The following TMEM132D variants were observed in gnomAD, a reference collection of about 807,000 sequenced individuals.
The protein encoded by TMEM132D is mature OL transmembrane protein.
In TMEM132D, 21 loss-of-function variants were observed where a neutral mutation model predicts 62.3. The observed-to-expected ratio is 0.34, with a 90% CI of 0.24 to 0.49. The LOEUF is 0.49. TMEM132D is among the 20% of genes least tolerant of loss of function. The probability of loss-of-function intolerance (pLI) is 0.99; values close to 1 mark genes in which losing one functional copy is unlikely to be tolerated. For synonymous variants in TMEM132D, 621 were observed against 575.6 expected (o/e 1.08, Z -1.13); for missense variants, 1,346 against 1,402.8 (o/e 0.96, Z 0.65).
At chr12:129,796,127 G>A (rs1871554276) in intron 1 of TMEM132D, among the ~76,000 whole-genome samples, 1 of 152,120 alleles carries the variant, frequency 6.6e-6, no homozygotes, top group South Asian at 2.1e-4. Context: ...TTGAGCCCAG[G>A]AGTTTGAGAC....
chr12:129,563,592 C>T (rs1328963882), intron 2 of TMEM132D, among the ~76,000 whole-genome samples: 1 of 152,088 alleles, frequency 6.6e-6, no homozygotes, highest in African/African-American at 2.4e-5. Flanking sequence ...TCTGAAAAAT[C>T]TGAAGTGCAT....
chr12:129,232,433 ACT>A (rs1383740866), intron 4 of TMEM132D, among the ~76,000 whole-genome samples: 3 of 152,154 alleles, frequency 2.0e-5, no homozygotes, highest in African/African-American at 4.8e-5. Context: ...AGGGAAAAAC[ACT>A]CTGCACAGAG....
intron 3 of TMEM132D, among the ~76,000 whole-genome samples, chr12:129,347,388 C>T (rs1869721603): frequency 6.6e-6 from 1 of 152,082 alleles, no homozygotes; most frequent in Non-Finnish European, 1.5e-5. Flanking sequence ...AGAATAGAGA[C>T]CTCTGAAATA....
intron 2 of TMEM132D, among the ~76,000 whole-genome samples, chr12:129,692,854 G>C (rs1315822820): frequency 6.6e-6 from 1 of 152,000 alleles, no homozygotes; most frequent in African/African-American, 2.4e-5. Flanking sequence ...TCGGGGGAGG[G>C]CAGTGGGGGG....
At chr12:129,796,557 G>C (rs1037240526) in intron 1 of TMEM132D, among the ~76,000 whole-genome samples, 1 of 152,094 alleles carries the variant, frequency 6.6e-6, no homozygotes, top group Non-Finnish European at 1.5e-5. Flanking sequence ...ACAAAAAAAA[G>C]AAAGAGTTCA....
intron 4 of TMEM132D, among the ~76,000 whole-genome samples, chr12:129,267,678 G>A (rs564317757): frequency 1.4e-4 from 21 of 151,676 alleles, no homozygotes; most frequent in Non-Finnish European, 2.8e-4. Flanking sequence ...ATTGGAAAAA[G>A]CTACTTTAAA....
intron 1 of TMEM132D, among the ~76,000 whole-genome samples, chr12:129,818,366 G>A (rs1036089998): frequency 1.2e-4 from 18 of 146,770 alleles, no homozygotes; most frequent in African/African-American, 4.5e-4. Flanking sequence ...GTGTATGTGT[G>A]TGTATGTGTG....
chr12:129,690,654 TA>T (rs1359101792), intron 2 of TMEM132D, among the ~76,000 whole-genome samples: 3 of 152,172 alleles, frequency 2.0e-5, no homozygotes, highest in African/African-American at 7.2e-5. Context: ...ACAACAATCC[TA>T]AATGCGTATG....
chr12:129,544,905 G>C (rs1463070057), intron 2 of TMEM132D, among the ~76,000 whole-genome samples: 1 of 152,096 alleles, frequency 6.6e-6, no homozygotes, highest in African/African-American at 2.4e-5. Flanking sequence ...CAGACATCAG[G>C]GTGACTGAGT....
chr12:129,519,081 T>G (rs1322416454), intron 3 of TMEM132D, among the ~76,000 whole-genome samples: 1 of 152,192 alleles, frequency 6.6e-6, no homozygotes, highest in African/African-American at 2.4e-5. Flanking sequence ...CTTTTTCCCT[T>G]TAATTATGTC....
chr12:129,346,404 T>G (rs535123682), intron 3 of TMEM132D, among the ~76,000 whole-genome samples: 76 of 152,312 alleles, frequency 5.0e-4, no homozygotes, highest in African/African-American at 1.8e-3. Context: ...GTTCATTGAT[T>G]TTTTTGAAGG....
At chr12:129,145,378 C>T (rs572522182) in intron 5 of TMEM132D, among the ~76,000 whole-genome samples, 7 of 152,184 alleles carry the variant, frequency 4.6e-5, no homozygotes, top group South Asian at 2.1e-4. Flanking sequence ...TTCAGGGATG[C>T]GTTTCAAGGG....
intron 3 of TMEM132D, among the ~76,000 whole-genome samples, chr12:129,497,263 G>C (rs374407574): frequency 6.6e-6 from 1 of 152,236 alleles, no homozygotes; most frequent in East Asian, 1.9e-4. Context: ...GGCTGAGATG[G>C]AACTACTGCA....
At chr12:129,829,111 T>C (rs1172048193) in intron 1 of TMEM132D, among the ~76,000 whole-genome samples, 6 of 152,072 alleles carry the variant, frequency 3.9e-5, no homozygotes, top group Non-Finnish European at 8.8e-5. Context: ...TAAGGCTCTG[T>C]TGATTGAATT....
chr12:129,763,098 G>A (rs975244870), intron 1 of TMEM132D, among the ~76,000 whole-genome samples: 3 of 152,186 alleles, frequency 2.0e-5, no homozygotes, highest in Admixed American at 2.0e-4. Context: ...TTTTCCCTGA[G>A]ACAGGGTCTC....
chr12:129,320,748 C>T (rs1868672596), intron 4 of TMEM132D, among the ~76,000 whole-genome samples: 1 of 151,998 alleles, frequency 6.6e-6, no homozygotes, highest in Admixed American at 6.6e-5. Context: ...TAATGGTTTA[C>T]ACTAGAAAAA....
intron 4 of TMEM132D, among the ~76,000 whole-genome samples, chr12:129,227,704 TC>T (rs1156739068): frequency 1.3e-5 from 2 of 151,956 alleles, no homozygotes; most frequent in African/African-American, 2.4e-5. Flanking sequence ...ACCCATTAAC[TC>T]ATCATTTACA....
At chr12:129,813,789 C>T (rs1296029057) in intron 1 of TMEM132D, among the ~76,000 whole-genome samples, 1 of 151,730 alleles carries the variant, frequency 6.6e-6, no homozygotes, top group Non-Finnish European at 1.5e-5. Flanking sequence ...GATGGTATTG[C>T]GTGCCTAGAA....
At chr12:129,585,248 T>C (rs898196377) in intron 2 of TMEM132D, among the ~76,000 whole-genome samples, 1 of 151,844 alleles carries the variant, frequency 6.6e-6, no homozygotes, top group East Asian at 1.9e-4. Flanking sequence ...AAGCCAAGAG[T>C]GTTACATACA....
Sources: allele counts gnomAD v4.1 joint callset (sites outside exome capture counted in the v4.1 genomes callset), GRCh38; gene constraint gnomAD v4.1.1; transcripts MANE v1.5; gene names NCBI Gene and HGNC (gene_info 2026-07-23, HGNC 2026-07-21).